Variants in SIMC1 observed in about 807,000 individuals in gnomAD.
SIMC1 encodes SUMO-interacting motif-containing protein 1.
A neutral mutation model predicts 82.3 loss-of-function variants in SIMC1; 55 were observed. The ratio of observed to expected loss-of-function variants is 0.67; its 90% CI spans 0.54 to 0.84. The LOEUF is 0.84. SIMC1 is among the 40% of genes least tolerant of loss of function. The pLI is 0.00. For missense variants in SIMC1, 915 were observed against 1,107.2 expected, an observed-to-expected ratio of 0.83 and a Z score of 2.46; for synonymous variants, 353 against 426.3, an observed-to-expected ratio of 0.83 and a Z score of 2.12.
In SIMC1 at chr5:176,343,762, C is replaced by T. The variant is rs149380222; in HGVS notation, c.2414-1421C>T. 4.7e-4 allele frequency among the ~76,000 whole-genome samples: 72 copies of T among 152,068 alleles called. 2 individuals carry two copies. In the East Asian group the frequency reaches 0.013, roughly 28 times the overall value. On this transcript the variant is annotated intron_variant, in intron 9 of 9. Transcript: ENST00000429602. ...ATACCACTGTGCATTATCACACTCA[C>T]GAAACTTTTCTTTTTTTGTTTTTTT...
At chr5:176,268,013 G>A (rs1289500941) in intron 1 of SIMC1, among the ~76,000 whole-genome samples, 2 of 151,762 alleles carry the variant, frequency 1.3e-5, no homozygotes, top group Non-Finnish European at 2.9e-5. Context: ...GCCTCCCAAA[G>A]TGCTAGGACT....
chr5:176,271,975 TTATATATAACATAA>T lies in SIMC1; in HGVS notation c.130-17665_130-17652del, dbSNP rs1449696432. 1.7e-4 allele frequency among the ~76,000 whole-genome samples: 24 copies of T among 144,866 alleles called. 1 individual carries two copies. The highest frequency in any genetic ancestry group is 3.3e-4 in the African/African-American group (13 of 39,808). On this transcript the variant is annotated intron_variant, in intron 1 of 9. Coordinates refer to ENST00000429602, the MANE Select transcript of SIMC1 (RefSeq NM_001308195.2). ...ATATATTATGTATATAATGTATATATTATATATAACATAATATATATAACATATGTAATATAATA... is the reference window on the plus strand; with the variant it reads ...ATATATTATGTATATAATGTATATATTATATATAACATATGTAATATAATA...
chr5:176,284,290 G>A (rs1763161002), intron 1 of SIMC1, among the ~76,000 whole-genome samples: 1 of 152,162 alleles, frequency 6.6e-6, no homozygotes, highest in Non-Finnish European at 1.5e-5. Flanking sequence ...GCACTCCTCA[G>A]CAAATGTAAA....
intron 9 of SIMC1, among the ~76,000 whole-genome samples, chr5:176,341,120 C>G (rs1312803223): frequency 6.6e-6 from 1 of 152,168 alleles, no homozygotes; most frequent in Non-Finnish European, 1.5e-5. Context: ...GCACTCCAGC[C>G]TGGGCAGCAG....
At chr5:176,285,657 G>A (rs1405135630) in intron 1 of SIMC1, among the ~76,000 whole-genome samples, 16 of 151,624 alleles carry the variant, frequency 1.1e-4, no homozygotes, top group Non-Finnish European at 2.4e-4. Flanking sequence ...GCAGGAGAAG[G>A]AAATAAAGGG....
chr5:176,263,936 C>T (rs1762102613), intron 1 of SIMC1, among the ~76,000 whole-genome samples: 1 of 152,164 alleles, frequency 6.6e-6, no homozygotes, highest in South Asian at 2.1e-4. Context: ...GTAAACATTC[C>T]CATTCCAGAA....
chr5:176,289,609 A>G, intron 1 of SIMC1, 45 bp from the exon 2 acceptor site: 1 of 1,443,914 alleles, frequency 6.9e-7, no homozygotes, highest in Non-Finnish European at 9.3e-7. Flanking sequence ...AGATAAAGCT[A>G]ATACTCCCAT....
intron 7 of SIMC1, among the ~76,000 whole-genome samples, chr5:176,334,892 G>A (rs948428982): frequency 7.9e-5 from 12 of 152,054 alleles, no homozygotes; most frequent in African/African-American, 2.7e-4. Context: ...AGGAGTTCGA[G>A]ACCAGCCTGG....
chr5:176,274,923 A>T (rs1348865185), intron 1 of SIMC1, among the ~76,000 whole-genome samples: 34 of 151,940 alleles, frequency 2.2e-4, no homozygotes, highest in South Asian at 4.2e-4. Flanking sequence ...TGCCTCCAGC[A>T]GTGTTCTTTT....
At chr5:176,253,431 C>T (rs1761755054) in intron 1 of SIMC1, among the ~76,000 whole-genome samples, 1 of 152,082 alleles carries the variant, frequency 6.6e-6, no homozygotes, top group Admixed American at 6.5e-5. Context: ...CCAGCCTAGT[C>T]TCGAACTCCT....
chr5:176,319,930 G>T (rs904636355), intron 5 of SIMC1, among the ~76,000 whole-genome samples: 5 of 152,148 alleles, frequency 3.3e-5, no homozygotes, highest in Non-Finnish European at 7.4e-5. Context: ...AGACTCAAAA[G>T]ATAATGGAAG....
At chr5:176,298,498 G>T (rs569762792) in intron 4 of SIMC1, among the ~76,000 whole-genome samples, 5 of 152,206 alleles carry the variant, frequency 3.3e-5, no homozygotes, top group African/African-American at 1.2e-4. Flanking sequence ...GCTGGGTGTG[G>T]TGGTGCATGC....
chr5:176,295,539 C>T (rs1763777160), intron 3 of SIMC1, among the ~76,000 whole-genome samples: 1 of 152,218 alleles, frequency 6.6e-6, no homozygotes, highest in Non-Finnish European at 1.5e-5. Flanking sequence ...TGCAGCTCTA[C>T]TTCGGTTCTG....
chr5:176,289,974 T>G lies in SIMC1; in HGVS notation c.450T>G (p.Ser150Arg). ...GTCCCCCACCCGCTACATCCATCAGTGGAGGCTCTGTTTATCCAACAGAGC... is the reference window on the plus strand; with the variant it reads ...GTCCCCCACCCGCTACATCCATCAGGGGAGGCTCTGTTTATCCAACAGAGC... ...FVGPPPATSI[S>R]GGSVYPTEPN... is the part of the protein sequence containing the mutation. Residue 150 changes from serine to arginine, a missense_variant, in exon 2 of 10, where the codon AGT becomes AGG. Ser to Arg is a moderately radical substitution (Grantham distance 110). This residue lies in a region of SIMC1 where 902 missense variants were observed against 1,040.3 expected (regional missense o/e 0.87). Transcript: ENST00000429602. 6.2e-7 allele frequency: 1 copy of G among 1,613,732 alleles called. No individual in the cohort carries two copies. The highest frequency in any genetic ancestry group is 1.1e-5 in the South Asian group (1 of 91,072).
intron 4 of SIMC1, 45 bp from the exon 5 acceptor site, chr5:176,313,646 A>C (rs1380756031): frequency 1.9e-6 from 3 of 1,608,056 alleles, no homozygotes; most frequent in Non-Finnish European, 2.6e-6. Context: ...ACTGTCATCC[A>C]AGAGACTGAG....
At chr5:176,262,795 ACT>A (rs1346791594) in intron 1 of SIMC1, among the ~76,000 whole-genome samples, 2 of 152,142 alleles carry the variant, frequency 1.3e-5, no homozygotes, top group African/African-American at 2.4e-5. Context: ...ACAGAGTGAG[ACT>A]CTGTCTCAAA....
rs569707233 is a variant in SIMC1, at chr5:176,339,180, G to A, written c.2413+2034G>A. ...AGTTCGAGGCCAGCCTGACCAACAT[G>A]GTGAAACCCCGTCTCTACTAAAAAT... On this transcript the variant is annotated intron_variant, in intron 9 of 9. Coordinates refer to ENST00000429602, the MANE Select transcript of SIMC1 (RefSeq NM_001308195.2). 2.9e-4 allele frequency among the ~76,000 whole-genome samples: 44 copies of A among 152,202 alleles called. No individual in the cohort carries two copies. In the East Asian group the frequency reaches 7.7e-3, roughly 27 times the overall value.
intron 6 of SIMC1, chr5:176,322,909 C>CACTGG (rs1244819636): frequency 1.3e-5 from 2 of 152,800 alleles, no homozygotes; most frequent in African/African-American, 4.8e-5. Flanking sequence ...CCGCAGACTG[C>CACTGG]ACTGGAAAGA....
intron 7 of SIMC1, among the ~76,000 whole-genome samples, chr5:176,335,104 A>G (rs145759095): frequency 4.0e-5 from 4 of 99,968 alleles, no homozygotes; most frequent in Non-Finnish European, 8.3e-5. Flanking sequence ...CTCAAAAAAA[A>G]AAAAATAATA....
Sources: allele counts gnomAD v4.1 joint callset (sites outside exome capture counted in the v4.1 genomes callset), GRCh38; gene constraint gnomAD v4.1.1; regional missense constraint gnomAD v4.1.1; transcripts MANE v1.5; gene names NCBI Gene and HGNC (gene_info 2026-07-23, HGNC 2026-07-21).